SBNO2: variants seen among roughly 807,000 people sequenced by gnomAD.
SBNO2 encodes protein strawberry notch homolog 2.
A neutral mutation model predicts 146.3 loss-of-function variants in SBNO2; 89 were observed. The ratio of observed to expected loss-of-function variants is 0.61; its 90% CI spans 0.51 to 0.73. The LOEUF is 0.73. Among genes scored for constraint, SBNO2 ranks in the 30% least tolerant of loss-of-function variants. SBNO2 has a pLI of 0.00. For missense variants in SBNO2, 2,092 were observed against 2,003.7 expected (o/e 1.04, Z -0.84); for synonymous variants, 1,147 against 892.6 (o/e 1.29, Z -5.08).
chr19:1,111,492 C>A lies in SBNO2; in HGVS notation c.2809+14G>T, dbSNP rs1293497990. The A allele has an allele frequency of 6.5e-7, 1 of 1,542,236 alleles. No homozygotes were observed. Among genetic ancestry groups the A allele is most frequent in the Admixed American group, 1.9e-5 (1 of 52,038 alleles). On this transcript the variant is annotated intron_variant, in intron 24 of 31. Transcript: ENST00000361757. ...CCTGCCCCTCCCAGGAAGACCCCCA[C>A]CAGCCCAGCTTACCCCGGAAGAAGG...
At chr19:1,111,333 G>A (rs1487525730) in intron 24 of SBNO2, among the ~76,000 whole-genome samples, 173 bp downstream of exon 24, 1 of 152,190 alleles carries the variant, frequency 6.6e-6, no homozygotes. Context: ...CCACCCGGCA[G>A]CTGCTGGGGG....
rs567360270 is a variant in SBNO2, at chr19:1,108,863, T to G, written c.3532A>C (p.Ile1178Leu). The G allele has an allele frequency of 6.3e-7, 1 of 1,595,664 alleles. No individual in the cohort carries two copies. Among genetic ancestry groups the G allele is most frequent in the East Asian group, 2.2e-5 (1 of 44,566 alleles). The change falls in exon 31 of 32, where the codon ATC (isoleucine) becomes CTC (leucine). Residue 1178 changes from isoleucine to leucine, a missense_variant. Transcript: ENST00000361757. ...CGALLRVWGR[I>L]AAVMADVSSS... ...CTGACGTCGGCCATGACGGCGGCGATGCGGCCCCACACGCGCAGCAGCGCG... is the reference window on the plus strand; with the variant it reads ...CTGACGTCGGCCATGACGGCGGCGAGGCGGCCCCACACGCGCAGCAGCGCG...
intron 18 of SBNO2, 135 bp downstream of exon 18, chr19:1,114,096 C>A (rs1026936569): frequency 2.7e-5 from 21 of 789,646 alleles, no homozygotes; most frequent in Non-Finnish European, 3.6e-5. Flanking sequence ...GGACTGAGGG[C>A]TACAACCTGG....
At chr19:1,128,075 A>G (rs1250086073) in intron 4 of SBNO2, 1 of 519,276 alleles carries the variant, frequency 1.9e-6, no homozygotes, top group East Asian at 4.2e-5. Context: ...TTCGGCATCC[A>G]AAAGTGTTGG....
chr19:1,168,024 C>T (rs2080442515), intron 1 of SBNO2, among the ~76,000 whole-genome samples: 1 of 152,038 alleles, frequency 6.6e-6, no homozygotes, highest in South Asian at 2.1e-4. Flanking sequence ...GGGAGGGGGC[C>T]ACACAGGTGC....
chr19:1,136,018 T>TA lies in SBNO2; in HGVS notation c.280-8254dup, dbSNP rs1244719575. On this transcript the variant is annotated intron_variant, in intron 4 of 31. Coordinates refer to ENST00000361757, the MANE Select transcript of SBNO2 (RefSeq NM_014963.3). The surrounding 1 kb of genome is among the most constrained non-coding windows in gnomAD (Gnocchi z 4.2). ...TCCGGTCCTTGCAGATGTGAGTGGT[T>TA]AAAAAAAAAAAGGCCGCACTGGCCG... Among the ~76,000 whole-genome samples, 58 of 144,004 alleles carry TA rather than the reference T, an allele frequency of 4.0e-4. No homozygotes were observed. Among genetic ancestry groups the TA allele is most frequent in the South Asian group, 2.2e-3 (10 of 4,504 alleles). The allele number at this position is 144,004 out of a possible 152,430, so 94.5% of individuals were successfully genotyped here.
rs2080228148 is a variant in SBNO2 at position 1,150,041 on chromosome 19, A to C, written c.94-599T>G. 6.6e-6 allele frequency among the ~76,000 whole-genome samples: 1 copy of C among 152,038 alleles called. No individual in the cohort carries two copies. Among genetic ancestry groups the C allele is most frequent in the African/African-American group, 2.4e-5 (1 of 41,378 alleles). On this transcript the variant is annotated intron_variant, in intron 2 of 31. Transcript: ENST00000361757. This position sits in a 1 kb window ranked among gnomAD's most constrained non-coding sequence, Gnocchi z 6.2. ...TGGGGTGCGGGGAGCCTGCTTTGGG[A>C]AATGGTGACCAGTGGCCTGGAGGCT...
Position 1,172,775 on chromosome 19 carries a change from A to ACCCC in SBNO2, c.-127+1396_-127+1397insGGGG, listed in dbSNP as rs200691444. Among the ~76,000 whole-genome samples, 22 of 39,606 alleles carry ACCCC rather than the reference A, an allele frequency of 5.6e-4. 1 individual carries two copies. The highest frequency in any genetic ancestry group is 2.8e-3 in the African/African-American group (14 of 4,994). The allele number at this position is 39,606 out of a possible 152,430, so 26.0% of individuals were successfully genotyped here. Reference sequence around the variant, plus strand: ...GCCCCTCTGTAAAACACTCACTGCAACCGCCCCCCCCGCCCCGGCAAACTG... The same window carrying ACCCC: ...GCCCCTCTGTAAAACACTCACTGCAACCCCCCGCCCCCCCCGCCCCGGCAAACTG... On this transcript the variant is annotated intron_variant, in intron 1 of 31. Transcript: ENST00000361757.
chr19:1,112,825 C>T lies in SBNO2; in HGVS notation c.2372G>A (p.Gly791Asp). 1 of 1,572,404 alleles carries T rather than the reference C, an allele frequency of 6.4e-7. No homozygotes were observed. ...NLREKQRFMSGEKLVAIISEA... is the reference protein window; with the variant it reads ...NLREKQRFMSDEKLVAIISEA... ...TGCACTGCAGCCCCGCACCTTCTCG[C>T]CGCTCATGAAGCGCTGCTTCTCCCT... is the stretch of plus-strand genomic sequence containing the variant. The change falls in exon 20 of 32, where the codon GGC becomes GAC. Residue 791 changes from glycine (G) to aspartate (D), a missense_variant. Transcript: ENST00000361757. The surrounding 1 kb of genome is among the most constrained non-coding windows in gnomAD (Gnocchi z 5.9).
At chr19:1,137,171 G>A (rs889126487) in intron 4 of SBNO2, among the ~76,000 whole-genome samples, 1 of 143,850 alleles carries the variant, frequency 7.0e-6, no homozygotes, top group South Asian at 2.3e-4. Flanking sequence ...AGGCTGGGGA[G>A]AGGCTTGGGC....
In SBNO2 at chr19:1,140,554, C is replaced by T. The variant is rs991878033; in HGVS notation, c.279+6755G>A. Among the ~76,000 whole-genome samples the T allele has an allele frequency of 4.6e-5, 7 of 152,058 alleles. No homozygotes were observed. The highest frequency in any genetic ancestry group is 1.7e-4 in the African/African-American group (7 of 41,400). On this transcript the variant is annotated intron_variant, in intron 4 of 31. Transcript: ENST00000361757. The surrounding 1 kb of genome is among the most constrained non-coding windows in gnomAD (Gnocchi z 4.4). ...GTGACACCGCGGGAGCCCCGCAGCC[C>T]ACGGTGGATGCCAGCAGCGGCATCC...
chr19:1,171,685 T>G (rs1026605123), intron 1 of SBNO2, among the ~76,000 whole-genome samples: 1 of 151,984 alleles, frequency 6.6e-6, no homozygotes, highest in African/African-American at 2.4e-5. Flanking sequence ...GTGACTCCGC[T>G]GGAGCCGGGT....
In SBNO2 at chr19:1,144,591, T is replaced by G. The variant is rs371882903; in HGVS notation, c.279+2718A>C. Among the ~76,000 whole-genome samples the G allele has an allele frequency of 8.6e-5, 10 of 116,312 alleles. No homozygotes were observed. Among genetic ancestry groups the G allele is most frequent in the Admixed American group, 1.6e-4 (2 of 12,286 alleles). 76.3% of individuals were successfully genotyped at this position (116,312 alleles called of 152,430 possible). On this transcript the variant is annotated intron_variant, in intron 4 of 31. Transcript: ENST00000361757. The surrounding 1 kb of genome is among the most constrained non-coding windows in gnomAD (Gnocchi z 4.1). ...ACAGGGAGACAGAGACGCAGAGACATAGAGACATAGAGACAGAGGCAGAGA... is the reference window on the plus strand; with the variant it reads ...ACAGGGAGACAGAGACGCAGAGACAGAGAGACATAGAGACAGAGGCAGAGA...
chr19:1,130,449 G>A (rs1423546726), intron 4 of SBNO2, among the ~76,000 whole-genome samples: 4 of 152,042 alleles, frequency 2.6e-5, no homozygotes, highest in East Asian at 1.9e-4. Flanking sequence ...CTATAATTGC[G>A]CCACTGCACG....
Position 1,117,554 on chromosome 19 carries a change from G to A in SBNO2, c.1528-55C>T, listed in dbSNP as rs867108505. 5.9e-5 allele frequency: 88 copies of A among 1,499,680 alleles called. No individual in the cohort carries two copies. In the Middle Eastern group the frequency reaches 1.6e-3, roughly 27 times the overall value. The allele number at this position is 1,499,680 out of a possible 1,614,324, so 92.9% of individuals were successfully genotyped here. A position where few individuals can be genotyped will look rare whatever the true frequency, so the allele number is the denominator to read the frequency against. ...AGCTGTGGCTCCTGGCTCCCGACCC[G>A]GGCCCCGGCCCACCTGCCGCCAGCC... On this transcript the variant is annotated intron_variant, in intron 14 of 31. Transcript: ENST00000361757.
chr19:1,132,185 G>T (rs962687573), intron 4 of SBNO2: 26 of 1,410,026 alleles, frequency 1.8e-5, no homozygotes, highest in African/African-American at 4.6e-5. Context: ...CTGCCCGGGA[G>T]CGGCTCCCTC....
At chr19:1,143,397 A>G (rs1455956474) in intron 4 of SBNO2, among the ~76,000 whole-genome samples, 1 of 152,068 alleles carries the variant, frequency 6.6e-6, no homozygotes, top group African/African-American at 2.4e-5. Context: ...GCTTGAGCCC[A>G]GGAGGTGGAG....
rs1473834052 is a variant in SBNO2, at chr19:1,140,691, C to G, written c.279+6618G>C. ...CCAGCCGTCAGCAGGAGAAGGCACA[C>G]GGAAAACAGACGGACGCAGCAGGGA... On this transcript the variant is annotated intron_variant, in intron 4 of 31. Coordinates refer to ENST00000361757, the MANE Select transcript of SBNO2 (RefSeq NM_014963.3). This position sits in a 1 kb window ranked among gnomAD's most constrained non-coding sequence, Gnocchi z 4.4. Among the ~76,000 whole-genome samples, 2 of 152,320 alleles carry G rather than the reference C, an allele frequency of 1.3e-5. No homozygotes were observed. Among genetic ancestry groups the G allele is most frequent in the African/African-American group, 2.4e-5 (1 of 41,570 alleles).
At chr19:1,145,019 A>G (rs2080175837) in intron 4 of SBNO2, among the ~76,000 whole-genome samples, 3 of 151,440 alleles carry the variant, frequency 2.0e-5, no homozygotes. Flanking sequence ...GGAGACAGAG[A>G]CAGAGGCAGA....
Sources: allele counts gnomAD v4.1 joint callset (sites outside exome capture counted in the v4.1 genomes callset), GRCh38; gene constraint gnomAD v4.1.1; non-coding constraint Gnocchi (gnomAD v3.1); transcripts MANE v1.5; gene names NCBI Gene and HGNC (gene_info 2026-07-23, HGNC 2026-07-21).